SLC12A2: variants seen among roughly 807,000 people sequenced by gnomAD.
SLC12A2 encodes solute carrier family 12 member 2.
SLC12A2 carries 67 observed loss-of-function variants against 136.3 expected under a neutral mutation model. The ratio of observed to expected loss-of-function variants is 0.49; its 90% CI spans 0.40 to 0.60. The LOEUF (loss-of-function observed/expected upper bound fraction) is 0.60. Among genes scored for constraint, SLC12A2 ranks in the 20% least tolerant of loss-of-function variants. The pLI is 0.00. For missense variants in SLC12A2, 1,322 were observed against 1,534.7 expected, an observed-to-expected ratio of 0.86 and a Z score of 2.32; for synonymous variants, 619 against 562.9, an observed-to-expected ratio of 1.10 and a Z score of -1.41.
chr5:128,173,523 A>G (rs1763446384), intron 19 of SLC12A2, among the ~76,000 whole-genome samples: 1 of 152,190 alleles, frequency 6.6e-6, no homozygotes, highest in South Asian at 2.1e-4. Flanking sequence ...TTAAAACAGG[A>G]ATTTGGGAAT....
intron 1 of SLC12A2, among the ~76,000 whole-genome samples, chr5:128,100,718 C>G (rs1760713145): frequency 6.6e-6 from 1 of 152,124 alleles, no homozygotes; most frequent in South Asian, 2.1e-4. Context: ...TAGACATATA[C>G]TTCTCTATCT....
chr5:128,171,984 A>G (rs1581134477), intron 19 of SLC12A2: 2 of 343,418 alleles, frequency 5.8e-6, no homozygotes, highest in East Asian at 1.0e-4. Context: ...TCCAAAGCAT[A>G]AGCTTAAGAG....
At chr5:128,118,846 T>C (rs924553850) in intron 4 of SLC12A2, among the ~76,000 whole-genome samples, 1 of 152,204 alleles carries the variant, frequency 6.6e-6, no homozygotes, top group African/African-American at 2.4e-5. Flanking sequence ...AGGAAACATT[T>C]TATAGAATAT....
In SLC12A2 at chr5:128,165,929, C is replaced by A. The variant is rs867061204; in HGVS notation, c.2617-1832C>A. Among the ~76,000 whole-genome samples the A allele has an allele frequency of 3.6e-3, 522 of 146,132 alleles. 21 individuals are homozygous for A. The highest frequency in any genetic ancestry group is 0.012 in the African/African-American group (487 of 39,970). On this transcript the variant is annotated intron_variant, in intron 17 of 26. Transcript: ENST00000262461. ...GGTTTTCTTTTACCTCCCCCCCCCC[C>A]CCCCAGTTAAAAATATGCTGTGTGG...
chr5:128,151,491 A>G (rs141690881), intron 14 of SLC12A2, 95 bp downstream of exon 14: 12 of 1,142,134 alleles, frequency 1.1e-5, no homozygotes, highest in African/African-American at 9.7e-5. Flanking sequence ...TTTAAGCATC[A>G]TCTTTTGTAT....
chr5:128,179,351 ATT>A (rs2126755695), intron 22 of SLC12A2, among the ~76,000 whole-genome samples: 1 of 152,238 alleles, frequency 6.6e-6, no homozygotes, highest in African/African-American at 2.4e-5. Flanking sequence ...ATTAGTTGGC[ATT>A]TTATTGTAAG....
intron 1 of SLC12A2, among the ~76,000 whole-genome samples, chr5:128,090,690 C>G (rs761269952): frequency 2.0e-5 from 3 of 152,110 alleles, no homozygotes; most frequent in Non-Finnish European, 4.4e-5. Flanking sequence ...GGGAAGACCT[C>G]TGATATGTGA....
intron 10 of SLC12A2, among the ~76,000 whole-genome samples, chr5:128,143,761 A>G (rs1762441403): frequency 6.6e-6 from 1 of 151,600 alleles, no homozygotes; most frequent in Non-Finnish European, 1.5e-5. Flanking sequence ...TTGCTTTGTA[A>G]TTTTTTTCAG....
intron 15 of SLC12A2, among the ~76,000 whole-genome samples, chr5:128,157,218 GA>G (rs1201189576): frequency 6.6e-6 from 1 of 152,092 alleles, no homozygotes; most frequent in Middle Eastern, 3.2e-3. Context: ...TTTTCTGAAG[GA>G]ATTTTTGCCA....
chr5:128,170,550 ATT>A lies in SLC12A2; in HGVS notation c.2724-1116_2724-1115del, dbSNP rs550198748. ...TCATATAGCTGTATCTTAATATATC[ATT>A]GTTTTTAATATGTCTACATTGAATA... is the stretch of plus-strand genomic sequence containing the variant. On this transcript the variant is annotated intron_variant, in intron 18 of 26. Transcript: ENST00000262461. 2.0e-4 allele frequency: 31 copies of A among 152,218 alleles called. 1 individual carries two copies. In the East Asian group the frequency reaches 5.6e-3, roughly 27 times the overall value. The allele number at this position is 152,218 out of a possible 1,614,324, so 9.4% of individuals were successfully genotyped here.
chr5:128,097,943 A>G (rs962945017), intron 1 of SLC12A2, among the ~76,000 whole-genome samples: 27 of 151,894 alleles, frequency 1.8e-4, no homozygotes, highest in Admixed American at 1.1e-3. Flanking sequence ...TTTGAAGGAT[A>G]GTTTTGCTGG....
chr5:128,092,571 C>T (rs544561460), intron 1 of SLC12A2, among the ~76,000 whole-genome samples: 18 of 151,984 alleles, frequency 1.2e-4, no homozygotes, highest in Non-Finnish European at 1.5e-4. Flanking sequence ...TATAATATAC[C>T]GTATTTTATT....
At chr5:128,100,470 T>C (rs113471663) in intron 1 of SLC12A2, among the ~76,000 whole-genome samples, 1,943 of 152,210 alleles carry the variant, frequency 0.013, 25 homozygotes, top group Non-Finnish European at 0.021. Context: ...CCAGTAGATA[T>C]AATGCAAATA....
At chr5:128,139,660 A>G (rs1221843400) in intron 9 of SLC12A2, among the ~76,000 whole-genome samples, 1 of 152,156 alleles carries the variant, frequency 6.6e-6, no homozygotes, top group East Asian at 1.9e-4. Context: ...CTTTAAGGCT[A>G]TTTTCTATGA....
At position 128,083,939 on chromosome 5, in the gene SLC12A2, CG is replaced by C. The variant is rs1398230452; in HGVS notation, c.-11del. ...CGTCCGCCGGGCTCTGCAGTTCCGC[CG>C]GGGGTCGGGCAGCTATGGAGCCGCG... is the stretch of plus-strand genomic sequence containing the variant. On this transcript the variant is annotated 5_prime_UTR_variant, in exon 1 of 27. Transcript: ENST00000262461. The C allele has an allele frequency of 4.1e-6, 5 of 1,228,402 alleles. No individual in the cohort carries two copies. The highest frequency in any genetic ancestry group is 3.5e-5 in the South Asian group (1 of 28,278). The allele number at this position is 1,228,402 out of a possible 1,614,324, so 76.1% of individuals were successfully genotyped here. A position where few individuals can be genotyped will look rare whatever the true frequency, so the allele number is the denominator to read the frequency against.
At chr5:128,110,653 C>T in intron 1 of SLC12A2, 4 of 1,206,582 alleles carry the variant, frequency 3.3e-6, no homozygotes, top group Non-Finnish European at 4.9e-6. Flanking sequence ...TGTGCTGAAG[C>T]CAAGACTCCG....
chr5:128,146,227 TC>T (rs1762523102), intron 10 of SLC12A2, among the ~76,000 whole-genome samples: 1 of 151,924 alleles, frequency 6.6e-6, no homozygotes, highest in South Asian at 2.1e-4. Flanking sequence ...AATATGGTTA[TC>T]CTACTTAAGA....
chr5:128,150,834 A>G (rs1303562364), intron 13 of SLC12A2, among the ~76,000 whole-genome samples: 1 of 151,882 alleles, frequency 6.6e-6, no homozygotes, highest in Non-Finnish European at 1.5e-5. Flanking sequence ...GAAATGTTTT[A>G]TATATTCATT....
intron 1 of SLC12A2, among the ~76,000 whole-genome samples, chr5:128,112,325 A>T (rs1225720303): frequency 1.3e-5 from 2 of 152,206 alleles, no homozygotes; most frequent in Non-Finnish European, 2.9e-5. Context: ...GGAGCTATGA[A>T]GGAATCTTGG....
Sources: gnomAD v4.1 joint callset for allele counts (sites outside exome capture counted in the v4.1 genomes callset) on GRCh38, gnomAD v4.1.1 for gene constraint, MANE v1.5 for transcripts, NCBI Gene and HGNC (gene_info 2026-07-23, HGNC 2026-07-21) for gene names.